The following RASGEF1B variants were observed in gnomAD, a reference collection of about 807,000 sequenced individuals.
RASGEF1B encodes the protein ras-GEF domain-containing family member 1B.
Under a neutral mutation model 65.7 loss-of-function variants are expected in RASGEF1B, and 30 were observed. The observed-to-expected ratio is 0.46, with a 90% CI of 0.34 to 0.62. The LOEUF is 0.62. Among genes scored for constraint, RASGEF1B ranks in the 20% least tolerant of loss-of-function variants. The pLI is 0.01. For missense variants in RASGEF1B, 495 were observed against 580.1 expected (o/e 0.85, Z 1.51); for synonymous variants, 175 against 194.8 (o/e 0.90, Z 0.85).
chr4:81,461,506 A>C (rs1722642399), intron 1 of RASGEF1B, among the ~76,000 whole-genome samples: 1 of 152,198 alleles, frequency 6.6e-6, no homozygotes, highest in African/African-American at 2.4e-5. Context: ...ATTCTAACAA[A>C]GTGCTTTTGG....
intron 1 of RASGEF1B, among the ~76,000 whole-genome samples, chr4:81,465,756 G>A (rs545523819): frequency 3.9e-5 from 6 of 152,302 alleles, no homozygotes; most frequent in South Asian, 4.1e-4. Flanking sequence ...GTGGTTTCAG[G>A]TGACAATTCA....
intron 4 of RASGEF1B, chr4:81,455,120 A>G (rs1722397527): frequency 6.6e-6 from 1 of 152,178 alleles, no homozygotes; most frequent in Non-Finnish European, 1.5e-5. Context: ...TCCCTCAACA[A>G]TTAATATACT....
chr4:81,450,277 G>A (rs1722206895), intron 4 of RASGEF1B, among the ~76,000 whole-genome samples: 1 of 152,066 alleles, frequency 6.6e-6, no homozygotes, highest in South Asian at 2.1e-4. Flanking sequence ...CAGCACTTTG[G>A]GAGGCTGAGG....
chr4:81,448,336 A>G (rs753614394), intron 4 of RASGEF1B, 52 bp from the exon 5 acceptor site: 7 of 1,465,132 alleles, frequency 4.8e-6, no homozygotes, highest in African/African-American at 1.4e-5. Context: ...TGGTTTTGCC[A>G]CTAGGCAAAC....
chr4:81,465,255 T>A (rs1050415939), intron 1 of RASGEF1B, among the ~76,000 whole-genome samples: 1 of 152,158 alleles, frequency 6.6e-6, no homozygotes, highest in African/African-American at 2.4e-5. Context: ...CACTTTAGGA[T>A]ATTAGAAGAT....
chr4:81,463,104 A>T (rs1181788029), intron 1 of RASGEF1B, among the ~76,000 whole-genome samples: 6 of 152,194 alleles, frequency 3.9e-5, no homozygotes, highest in Non-Finnish European at 5.9e-5. Flanking sequence ...TTAAACAAAA[A>T]TCCTGTCAGT....
chr4:81,458,411 G>A (rs147578536), intron 2 of RASGEF1B, among the ~76,000 whole-genome samples: 198 of 152,188 alleles, frequency 1.3e-3, no homozygotes, highest in African/African-American at 4.6e-3. Flanking sequence ...TTCCCTGTGT[G>A]GCAACATATC....
At chr4:81,469,207 T>G (rs1225533059) in intron 1 of RASGEF1B, among the ~76,000 whole-genome samples, 1 of 152,196 alleles carries the variant, frequency 6.6e-6, no homozygotes, top group African/African-American at 2.4e-5. Flanking sequence ...CACAAAATGT[T>G]TTCACAGCTT....
rs1480470596 is a variant in RASGEF1B, at chr4:81,448,069, C to T, written c.654G>A (p.Leu218=). Residue 218 remains leucine (L), a splice_region_variant and synonymous_variant, in exon 5 of 14, where the codon CTG becomes CTA. Transcript: ENST00000264400. The part of the protein sequence containing the change: ...TLAQQLTHIE[L]ERLNYIGPEE... Reference sequence around the variant, plus strand: ...AGGGCAATGATGATAACGGCCTTACCAGCTCTATATGAGTCAGCTGCTGGG... The same window carrying T: ...AGGGCAATGATGATAACGGCCTTACTAGCTCTATATGAGTCAGCTGCTGGG... 6.2e-7 allele frequency: 1 copy of T among 1,613,438 alleles called. No individual in the cohort carries two copies. The highest frequency in any genetic ancestry group is 1.1e-5 in the South Asian group (1 of 91,024).
intron 10 of RASGEF1B, among the ~76,000 whole-genome samples, chr4:81,435,223 A>G (rs1721569397): frequency 6.6e-6 from 1 of 151,738 alleles, no homozygotes; most frequent in Non-Finnish European, 1.5e-5. Flanking sequence ...CATCCTGGCT[A>G]ACAAGGTGAA....
In RASGEF1B at chr4:81,442,321, C is replaced by G; in HGVS notation, c.984G>C (p.Lys328Asn). 6.2e-7 allele frequency: 1 copy of G among 1,613,074 alleles called. No individual in the cohort carries two copies. The highest frequency in any genetic ancestry group is 1.3e-5 in the African/African-American group (1 of 75,002). The change falls in exon 9 of 14, where the codon AAG becomes AAC. Residue 328 changes from lysine to asparagine, a missense_variant. Physicochemically the swap from Lys to Asn is moderately conservative, Grantham distance 94. Coordinates refer to ENST00000264400, the MANE Select transcript of RASGEF1B (RefSeq NM_152545.3). The part of the protein sequence containing the change: ...SRLKKTWAKV[K>N]TAKFDILEHQ... ...CCTCAAGAATGTCAAATTTTGCAGT[C>G]TTCACTTTGGCCCAAGTTTTTTTTA...
intron 8 of RASGEF1B, among the ~76,000 whole-genome samples, chr4:81,443,870 T>C (rs1229314033): frequency 6.6e-6 from 1 of 152,254 alleles, no homozygotes; most frequent in Non-Finnish European, 1.5e-5. Context: ...AAAGTAGTAG[T>C]ACCATTTTAT....
In RASGEF1B at chr4:81,442,222, G is replaced by C; in HGVS notation, c.1008+75C>G. On this transcript the variant is annotated intron_variant, in intron 9 of 13. Transcript: ENST00000264400. Reference sequence around the variant, plus strand: ...TTCCTCTGTCGTAGTCTGATGGAGAGGCAAGACCACATAAAGGAATTCCAC... The same window carrying C: ...TTCCTCTGTCGTAGTCTGATGGAGACGCAAGACCACATAAAGGAATTCCAC... The C allele has an allele frequency of 3.1e-6, 3 of 969,024 alleles. No individual in the cohort carries two copies. The South Asian group carries it at 3.9e-5, about 12-fold the overall frequency. 60.0% of individuals were successfully genotyped at this position (969,024 alleles called of 1,614,324 possible).
At chr4:81,442,422 G>T in intron 8 of RASGEF1B, 46 bp from the exon 9 acceptor site, 1 of 1,100,858 alleles carries the variant, frequency 9.1e-7, no homozygotes, top group South Asian at 1.3e-5. Context: ...AATTGAAAGA[G>T]AGAAATAAGA....
intron 10 of RASGEF1B, among the ~76,000 whole-genome samples, chr4:81,438,396 C>A (rs547045873): frequency 6.6e-6 from 1 of 152,222 alleles, no homozygotes; most frequent in Non-Finnish European, 1.5e-5. Flanking sequence ...GTGATCCACC[C>A]GCCTCAGCCT....
chr4:81,463,837 C>G (rs565871626), intron 1 of RASGEF1B, among the ~76,000 whole-genome samples: 2 of 152,234 alleles, frequency 1.3e-5, no homozygotes, highest in South Asian at 4.2e-4. Context: ...TGCTTCAGTT[C>G]TGGAATTGAA....
intron 12 of RASGEF1B, among the ~76,000 whole-genome samples, chr4:81,433,013 G>A (rs1392128204): frequency 6.7e-6 from 1 of 148,410 alleles, no homozygotes; most frequent in Non-Finnish European, 1.5e-5. Flanking sequence ...AATAGTTGGA[G>A]ACCAGCCTGG....
At chr4:81,428,510 T>A (rs1449931195) in intron 13 of RASGEF1B, among the ~76,000 whole-genome samples, 2 of 152,222 alleles carry the variant, frequency 1.3e-5, no homozygotes. Flanking sequence ...ATAACAACTA[T>A]GTATATAGCA....
At position 81,448,263 on chromosome 4, in the gene RASGEF1B, G is replaced by C. The variant is rs758109736; in HGVS notation, c.460C>G (p.Gln154Glu). ...GEEQTYRKNV[Q>E]QMMQCLIRKL... is the part of the protein sequence containing the mutation. ...CGGATCAGACACTGCATCATTTGCTGGACATTCTTTCTGTATGTCTGCTAG... is the reference window on the plus strand; with the variant it reads ...CGGATCAGACACTGCATCATTTGCTCGACATTCTTTCTGTATGTCTGCTAG... Residue 154 changes from glutamine (Q) to glutamate (E), a missense_variant, in exon 5 of 14, where the codon CAG becomes GAG. Physicochemically the swap from Gln to Glu is conservative, Grantham distance 29. Coordinates refer to ENST00000264400, the MANE Select transcript of RASGEF1B (RefSeq NM_152545.3). 1 of 1,612,698 alleles carries C rather than the reference G, an allele frequency of 6.2e-7. No homozygotes were observed. The highest frequency in any genetic ancestry group is 1.7e-5 in the Admixed American group (1 of 60,020).
Sources: gnomAD v4.1 joint callset for allele counts (sites outside exome capture counted in the v4.1 genomes callset) on GRCh38, gnomAD v4.1.1 for gene constraint, MANE v1.5 for transcripts, NCBI Gene and HGNC (gene_info 2026-07-23, HGNC 2026-07-21) for gene names.